PTPN4: variants seen among roughly 807,000 people sequenced by gnomAD.
PTPN4 encodes protein tyrosine phosphatase non-receptor type 4, also known as tyrosine-protein phosphatase non-receptor type 4.
A neutral mutation model predicts 135.5 loss-of-function variants in PTPN4; 49 were observed. The observed-to-expected ratio is 0.36, with a 90% CI of 0.29 to 0.46. The LOEUF is 0.46. PTPN4 is among the 20% of genes least tolerant of loss of function. The probability of loss-of-function intolerance (pLI) is 1.00; values close to 1 mark genes in which losing one functional copy is unlikely to be tolerated. For missense variants in PTPN4, 860 were observed against 1,101.0 expected, an observed-to-expected ratio of 0.78 and a Z score of 3.10; for synonymous variants, 333 against 369.9, an observed-to-expected ratio of 0.90 and a Z score of 1.14.
intron 2 of PTPN4, among the ~76,000 whole-genome samples, chr2:119,836,919 G>A (rs1225926122): frequency 6.6e-6 from 1 of 152,238 alleles, no homozygotes; most frequent in Non-Finnish European, 1.5e-5. Context: ...AGGATGGCTC[G>A]TCACGGGCCT....
intron 1 of PTPN4, among the ~76,000 whole-genome samples, chr2:119,779,393 G>A (rs1031816505): frequency 3.3e-5 from 5 of 152,160 alleles, no homozygotes; most frequent in East Asian, 1.9e-4. Context: ...CGAGGCAGGC[G>A]TATCACGAGG....
rs532786438 is a variant in PTPN4 at position 119,976,660 on chromosome 2, G to T, written c.2695-324G>T. ...GTTTCTTTTTCTGGTTTATTTTTTGGATAGATTCTTAGAAGTGGGATTGCT... is the reference window on the plus strand; with the variant it reads ...GTTTCTTTTTCTGGTTTATTTTTTGTATAGATTCTTAGAAGTGGGATTGCT... On this transcript the variant is annotated intron_variant, in intron 26 of 26. Transcript: ENST00000263708. Among the ~76,000 whole-genome samples the T allele has an allele frequency of 3.9e-5, 6 of 152,142 alleles. No homozygotes were observed. In the South Asian group the frequency reaches 8.3e-4, roughly 21 times the overall value.
At chr2:119,909,379 A>T (rs749718800) in intron 10 of PTPN4, among the ~76,000 whole-genome samples, 1 of 152,166 alleles carries the variant, frequency 6.6e-6, no homozygotes, top group Non-Finnish European at 1.5e-5. Flanking sequence ...CAAAGCCTGG[A>T]TGACCACACA....
At chr2:119,923,565 A>G (rs1678768151) in intron 12 of PTPN4, among the ~76,000 whole-genome samples, 2 of 152,200 alleles carry the variant, frequency 1.3e-5, no homozygotes, top group Admixed American at 6.5e-5. Flanking sequence ...CAGAGAATAT[A>G]ACATCTCCAG....
chr2:119,824,879 G>T (rs1410604215), intron 2 of PTPN4, among the ~76,000 whole-genome samples: 1 of 152,062 alleles, frequency 6.6e-6, no homozygotes, highest in Non-Finnish European at 1.5e-5. Context: ...GTAGAGACAG[G>T]GTTTCACCAT....
At position 119,761,855 on chromosome 2, in the gene PTPN4, A is replaced by G. The variant is rs1407263030; in HGVS notation, c.-18+1471A>G. 2.0e-5 allele frequency among the ~76,000 whole-genome samples: 3 copies of G among 152,198 alleles called. No individual in the cohort carries two copies. In the East Asian group the frequency reaches 5.8e-4, roughly 29 times the overall value. On this transcript the variant is annotated intron_variant, in intron 1 of 26. Transcript: ENST00000263708. ...TTAAAAATATTAATTGAGTAGGTCC[A>G]TGTTTATTAAGTTAGAAAATCACGA...
chr2:119,836,079 A>G (rs1574360188), intron 2 of PTPN4, among the ~76,000 whole-genome samples: 1 of 144,558 alleles, frequency 6.9e-6, no homozygotes, highest in East Asian at 1.9e-4. Flanking sequence ...AAAAAAAAAA[A>G]AAAGAAAGAA....
At chr2:119,910,683 A>G (rs1027494549) in intron 10 of PTPN4, among the ~76,000 whole-genome samples, 3 of 152,050 alleles carry the variant, frequency 2.0e-5, no homozygotes, top group Admixed American at 6.6e-5. Flanking sequence ...GTCTCATGAT[A>G]TCTGTTGGTT....
intron 3 of PTPN4, among the ~76,000 whole-genome samples, chr2:119,876,068 T>A (rs988995554): frequency 2.6e-5 from 4 of 152,228 alleles, no homozygotes; most frequent in African/African-American, 9.6e-5. Context: ...AGCTTGAAAT[T>A]GAGGGCCTTA....
chr2:119,922,928 G>A (rs1678759974), intron 12 of PTPN4, among the ~76,000 whole-genome samples: 1 of 152,084 alleles, frequency 6.6e-6, no homozygotes, highest in African/African-American at 2.4e-5. Context: ...TTTCATCTAG[G>A]TTGTTGAATT....
At chr2:119,789,047 C>T (rs1691093446) in intron 1 of PTPN4, among the ~76,000 whole-genome samples, 1 of 151,858 alleles carries the variant, frequency 6.6e-6, no homozygotes, top group African/African-American at 2.4e-5. Context: ...AGTGTACTTC[C>T]AGTTTCTCCT....
At chr2:119,902,123 TACAC>T (rs1266032274) in intron 10 of PTPN4, among the ~76,000 whole-genome samples, 2 of 152,174 alleles carry the variant, frequency 1.3e-5, no homozygotes, top group African/African-American at 4.8e-5. Flanking sequence ...AATCCACACT[TACAC>T]ACTATCATAG....
intron 3 of PTPN4, among the ~76,000 whole-genome samples, chr2:119,870,360 C>T (rs571140207): frequency 6.6e-6 from 1 of 152,136 alleles, no homozygotes; most frequent in East Asian, 1.9e-4. Flanking sequence ...TAAATAGAGA[C>T]ACACCATGCT....
At chr2:119,948,970 A>G (rs1255370326) in intron 18 of PTPN4, among the ~76,000 whole-genome samples, 1 of 152,168 alleles carries the variant, frequency 6.6e-6, no homozygotes, top group African/African-American at 2.4e-5. Context: ...AAGATAATAC[A>G]CATTTCTTTA....
chr2:119,921,619 CCTT>C (rs1007480817), intron 12 of PTPN4, among the ~76,000 whole-genome samples: 14 of 130,492 alleles, frequency 1.1e-4, no homozygotes, highest in Admixed American at 8.1e-4. Context: ...ACGTTTAACT[CCTT>C]TTTTTTTTTT....
intron 18 of PTPN4, among the ~76,000 whole-genome samples, chr2:119,949,782 G>A (rs111568199): frequency 6.6e-6 from 1 of 152,042 alleles, no homozygotes; most frequent in Non-Finnish European, 1.5e-5. Flanking sequence ...GATCGAGGCT[G>A]TAGTGAGCTA....
At chr2:119,843,218 CTTTTTTTTTT>C (rs779045976) in intron 2 of PTPN4, among the ~76,000 whole-genome samples, 1 of 107,292 alleles carries the variant, frequency 9.3e-6, no homozygotes, top group Non-Finnish European at 1.9e-5. Flanking sequence ...ATGCATTTTT[CTTTTTTTTTT>C]TTTTTTTTTT....
chr2:119,924,539 TAAAGAGAGAGAG>T (rs1014908178), intron 12 of PTPN4, among the ~76,000 whole-genome samples: 53 of 152,186 alleles, frequency 3.5e-4, no homozygotes, highest in African/African-American at 1.2e-3. Context: ...AGCCTATATA[TAAAGAGAGAGAG>T]AAAGAGAGAG....
intron 9 of PTPN4, among the ~76,000 whole-genome samples, chr2:119,896,110 A>G (rs1040021446): frequency 6.6e-5 from 10 of 152,332 alleles, no homozygotes; most frequent in Admixed American, 5.9e-4. Flanking sequence ...GAATTACTGT[A>G]AGGCAAACAT....
Sources: gnomAD v4.1 joint callset for allele counts (sites outside exome capture counted in the v4.1 genomes callset) on GRCh38, gnomAD v4.1.1 for gene constraint, MANE v1.5 for transcripts, NCBI Gene and HGNC (gene_info 2026-07-23, HGNC 2026-07-21) for gene names.